Variants in PPP1R37 observed in about 807,000 individuals in gnomAD.
PPP1R37 encodes protein phosphatase 1 regulatory subunit 37, also known as leucine rich repeat containing 68.
PPP1R37 carries 21 observed loss-of-function variants against 61.0 expected under a neutral mutation model. The observed-to-expected ratio is 0.34, with a 90% CI of 0.24 to 0.50. PPP1R37 has a LOEUF of 0.50. PPP1R37 is among the 20% of genes least tolerant of loss of function. The probability of loss-of-function intolerance (pLI) is 0.98; values close to 1 mark genes in which losing one functional copy is unlikely to be tolerated. For missense variants in PPP1R37, 910 were observed against 952.7 expected (o/e 0.96, Z 0.59); for synonymous variants, 443 against 433.5 (o/e 1.02, Z -0.27).
At chr19:45,123,674 G>A (rs1265737702) in intron 1 of PPP1R37, among the ~76,000 whole-genome samples, 1 of 152,174 alleles carries the variant, frequency 6.6e-6, no homozygotes, top group Admixed American at 6.5e-5. Context: ...TGCAGTAATC[G>A]AGTGTTTGGC....
rs909193461 is a variant in PPP1R37 at position 45,145,084 on chromosome 19, G to GC, written c.1130-3dup. ...GGGGCCCGTGGCCAGCCCCTGCGGTGCCCCCCCAGGCGCGGTGGCGGTGGC... is the reference window on the plus strand; with the variant it reads ...GGGGCCCGTGGCCAGCCCCTGCGGTGCCCCCCCCAGGCGCGGTGGCGGTGGC... On this transcript the variant is annotated splice_polypyrimidine_tract_variant and intron_variant, in intron 9 of 12. Coordinates refer to ENST00000221462, the MANE Select transcript of PPP1R37 (RefSeq NM_019121.2). 1.2e-4 allele frequency: 177 copies of GC among 1,531,258 alleles called. No individual in the cohort carries two copies. The highest frequency in any genetic ancestry group is 1.1e-3 in the Admixed American group (54 of 50,562). 94.9% of individuals were successfully genotyped at this position (1,531,258 alleles called of 1,614,324 possible). A position where few individuals can be genotyped will look rare whatever the true frequency, so the allele number is the denominator to read the frequency against.
At chr19:45,122,235 C>T (rs2122731914) in intron 1 of PPP1R37, among the ~76,000 whole-genome samples, 1 of 152,288 alleles carries the variant, frequency 6.6e-6, no homozygotes, top group East Asian at 1.9e-4. Flanking sequence ...CATTGGTGAC[C>T]TCATCACGTG....
intron 2 of PPP1R37, among the ~76,000 whole-genome samples, chr19:45,139,911 C>T (rs990385204): frequency 6.6e-6 from 1 of 152,262 alleles, no homozygotes; most frequent in Non-Finnish European, 1.5e-5. Flanking sequence ...ACAGCCTTTG[C>T]ACAGACTCCC....
intron 1 of PPP1R37, chr19:45,136,399 A>G (rs767415317): frequency 1.3e-5 from 2 of 152,232 alleles, no homozygotes; most frequent in Non-Finnish European, 2.9e-5. Flanking sequence ...CATGAAAATA[A>G]AGAGATAAGT....
At chr19:45,128,919 A>G in intron 1 of PPP1R37, 1 of 715,638 alleles carries the variant, frequency 1.4e-6, no homozygotes, top group South Asian at 1.4e-5. Context: ...CTGCCAGAGG[A>G]GACCTTGGCA....
chr19:45,146,638 C>A lies in PPP1R37; in HGVS notation c.*76C>A, dbSNP rs913473505. 5.0e-6 allele frequency: 3 copies of A among 604,418 alleles called. No individual in the cohort carries two copies. The highest frequency in any genetic ancestry group is 3.4e-4 in the Middle Eastern group (1 of 2,960). 37.4% of individuals were successfully genotyped at this position (604,418 alleles called of 1,614,324 possible). A position where few individuals can be genotyped will look rare whatever the true frequency, so the allele number is the denominator to read the frequency against. On this transcript the variant is annotated 3_prime_UTR_variant, in exon 13 of 13. Coordinates refer to ENST00000221462, the MANE Select transcript of PPP1R37 (RefSeq NM_019121.2). ...CATGAGAATCTGCTCACCTTCCCCC[C>A]AGCCTTCCTGAGGCCCAGGATGCCA...
At chr19:45,128,724 C>T (rs958935719) in intron 1 of PPP1R37, 16 of 857,558 alleles carry the variant, frequency 1.9e-5, no homozygotes, top group East Asian at 3.1e-5. Flanking sequence ...CAAGCACAGC[C>T]GCGTCAAGGT....
chr19:45,143,285 T>C, intron 7 of PPP1R37: 1 of 457,080 alleles, frequency 2.2e-6, no homozygotes, highest in Admixed American at 3.6e-5. Context: ...CCAGAGGTGG[T>C]CACATTTGAG....
intron 10 of PPP1R37, 32 bp downstream of exon 10, chr19:45,145,292 C>A (rs1394786126): frequency 6.6e-7 from 1 of 1,521,862 alleles, no homozygotes; most frequent in South Asian, 1.2e-5. Context: ...AGCCCTGGGG[C>A]GGGCGGAAGG....
In PPP1R37 at chr19:45,144,834, C is replaced by T. The variant is rs547143937; in HGVS notation, c.988-20C>T. ...CCGCCATCACGGCCTCCTCCTCACC[C>T]TCACACCCCCTCCCTCCAGCCGCAC... On this transcript the variant is annotated intron_variant, in intron 8 of 12. Transcript: ENST00000221462. The T allele has an allele frequency of 2.8e-4, 423 of 1,520,240 alleles. 2 individuals carry two copies. The highest frequency in any genetic ancestry group is 1.5e-4 in the East Asian group (6 of 40,172). The allele number at this position is 1,520,240 out of a possible 1,614,324, so 94.2% of individuals were successfully genotyped here. A position where few individuals can be genotyped will look rare whatever the true frequency, so the allele number is the denominator to read the frequency against.
chr19:45,134,483 T>A (rs1968514915), intron 1 of PPP1R37, among the ~76,000 whole-genome samples: 1 of 152,190 alleles, frequency 6.6e-6, no homozygotes, highest in Admixed American at 6.5e-5. Flanking sequence ...ATAGATTGGT[T>A]TCTTTTTTAT....
At chr19:45,117,203 G>A (rs949231389) in intron 1 of PPP1R37, among the ~76,000 whole-genome samples, 1 of 152,150 alleles carries the variant, frequency 6.6e-6, no homozygotes, top group Non-Finnish European at 1.5e-5. Context: ...GTGAGCCATT[G>A]CGCCTGGCCA....
intron 1 of PPP1R37, among the ~76,000 whole-genome samples, chr19:45,111,519 G>A (rs943401595): frequency 1.3e-5 from 2 of 152,228 alleles, no homozygotes; most frequent in South Asian, 2.1e-4. Flanking sequence ...CAGGTGATCC[G>A]CCTGCCTCGA....
chr19:45,114,704 T>C (rs1968242257), intron 1 of PPP1R37, among the ~76,000 whole-genome samples: 1 of 151,992 alleles, frequency 6.6e-6, no homozygotes, highest in Non-Finnish European at 1.5e-5. Context: ...TCCAGCACTT[T>C]GGGAGGCCGA....
intron 1 of PPP1R37, among the ~76,000 whole-genome samples, chr19:45,124,743 C>T (rs757184570): frequency 2.6e-5 from 4 of 151,478 alleles, no homozygotes; most frequent in Non-Finnish European, 5.9e-5. Context: ...GGAGGATCAC[C>T]TGAGCCCAGG....
chr19:45,141,028 G>T (rs1389026948), intron 4 of PPP1R37, among the ~76,000 whole-genome samples: 1 of 152,282 alleles, frequency 6.6e-6, no homozygotes, highest in East Asian at 1.9e-4. Context: ...AGGGGCAGGG[G>T]ACCTGGAGAA....
rs959238946 is a variant in PPP1R37, at chr19:45,145,722, C to A, written c.1666C>A (p.Arg556=). 51 of 1,533,486 alleles carry A rather than the reference C, an allele frequency of 3.3e-5. No homozygotes were observed. The highest frequency in any genetic ancestry group is 4.5e-5 in the Non-Finnish European group (51 of 1,145,774). The allele number at this position is 1,533,486 out of a possible 1,614,324, so 95.0% of individuals were successfully genotyped here. A position where few individuals can be genotyped will look rare whatever the true frequency, so the allele number is the denominator to read the frequency against. ...CAGCCCCTCCACACCCACCGAGCAG[C>A]GGATTTCCGTGTCCAGCCCGGGCCG... ...PGSPSTPTEQ[R]ISVSSPGRGH... Residue 556 remains arginine (R), a synonymous_variant, in exon 11 of 13, where the codon CGG becomes AGG. Coordinates refer to ENST00000221462, the MANE Select transcript of PPP1R37 (RefSeq NM_019121.2).
intron 1 of PPP1R37, among the ~76,000 whole-genome samples, chr19:45,132,184 C>T (rs1230269811): frequency 6.6e-6 from 1 of 152,060 alleles, no homozygotes; most frequent in Non-Finnish European, 1.5e-5. Flanking sequence ...TGCATCTGAG[C>T]CCTGACCTTG....
chr19:45,105,327 C>T (rs528159649), intron 1 of PPP1R37, among the ~76,000 whole-genome samples: 6 of 152,242 alleles, frequency 3.9e-5, no homozygotes, highest in African/African-American at 9.6e-5. Context: ...CAAACAGGCC[C>T]GTCTTTGCTG....
Sources: gnomAD v4.1 joint callset for allele counts (sites outside exome capture counted in the v4.1 genomes callset) on GRCh38, gnomAD v4.1.1 for gene constraint, MANE v1.5 for transcripts, NCBI Gene and HGNC (gene_info 2026-07-23, HGNC 2026-07-21) for gene names.